Variants in CFAP54 observed in about 807,000 individuals in gnomAD.
CFAP54 encodes the protein cilia and flagella associated protein 54.
A neutral mutation model predicts 370.4 loss-of-function variants in CFAP54; 290 were observed. That is an observed-to-expected ratio of 0.78 (90% confidence interval 0.71 to 0.86). CFAP54 has a LOEUF of 0.86. Among genes scored for constraint, CFAP54 ranks in the 40% least tolerant of loss-of-function variants. CFAP54 has a pLI of 0.00. For synonymous variants in CFAP54, 1,206 were observed against 1,236.5 expected (o/e 0.98, Z 0.52); for missense variants, 3,399 against 3,528.7 (o/e 0.96, Z 0.93).
Position 96,656,138 on chromosome 12 carries a change from G to A in CFAP54, c.5101-1744G>A, listed in dbSNP as rs76762439. Among the ~76,000 whole-genome samples the A allele has an allele frequency of 4.8e-3, 724 of 152,122 alleles. 4 individuals are homozygous for A. The highest frequency in any genetic ancestry group is 0.016 in the African/African-American group (679 of 41,496). On this transcript the variant is annotated intron_variant, in intron 36 of 67. Transcript: ENST00000524981. ...AAAAGTTTTTAAAAAATCACACATG[G>A]CCCATACAAAATCTTCAAAACTTAA... is the stretch of plus-strand genomic sequence containing the variant.
intron 23 of CFAP54, among the ~76,000 whole-genome samples, chr12:96,590,317 T>C (rs1187811164): frequency 6.6e-6 from 1 of 152,166 alleles, no homozygotes; most frequent in Non-Finnish European, 1.5e-5. Flanking sequence ...AGAAGCCATA[T>C]AAAATTACTA....
At chr12:96,720,103 C>T (rs1435848135) in intron 49 of CFAP54, among the ~76,000 whole-genome samples, 4 of 152,210 alleles carry the variant, frequency 2.6e-5, no homozygotes, top group Non-Finnish European at 5.9e-5. Context: ...GGCTCAGTAT[C>T]CAGTAATCAG....
intron 38 of CFAP54, among the ~76,000 whole-genome samples, chr12:96,663,034 C>T (rs1957012287): frequency 6.6e-6 from 1 of 152,030 alleles, no homozygotes; most frequent in Admixed American, 6.6e-5. Context: ...CTACATCATC[C>T]CTTCTTCTTG....
intron 60 of CFAP54, among the ~76,000 whole-genome samples, chr12:96,773,329 A>C (rs1423325101): frequency 6.6e-6 from 1 of 152,196 alleles, no homozygotes; most frequent in South Asian, 2.1e-4. Context: ...TTCTGCCAGA[A>C]TCACACCAGC....
chr12:96,728,342 AT>A (rs1343786273), intron 50 of CFAP54, among the ~76,000 whole-genome samples: 3 of 152,216 alleles, frequency 2.0e-5, no homozygotes, highest in Admixed American at 1.3e-4. Context: ...GTGTTTTCAC[AT>A]AGTCCCATAT....
At chr12:96,502,146 G>C (rs903527945) in intron 2 of CFAP54, among the ~76,000 whole-genome samples, 2 of 152,176 alleles carry the variant, frequency 1.3e-5, no homozygotes, top group Non-Finnish European at 2.9e-5. Flanking sequence ...GATAAAGCAA[G>C]TTAAAGATGG....
intron 23 of CFAP54, among the ~76,000 whole-genome samples, chr12:96,591,660 C>T (rs1005320214): frequency 1.2e-4 from 19 of 152,030 alleles, no homozygotes; most frequent in African/African-American, 2.7e-4. Flanking sequence ...GAGGCCGAGA[C>T]GGGCGGATCA....
chr12:96,551,734 AG>A (rs1298219746), intron 15 of CFAP54, among the ~76,000 whole-genome samples: 1 of 152,166 alleles, frequency 6.6e-6, no homozygotes, highest in Non-Finnish European at 1.5e-5. Context: ...AATAACTCTT[AG>A]TAGTTAGGAA....
At chr12:96,519,146 T>C in intron 6 of CFAP54, 75 bp downstream of exon 6, 1 of 1,414,902 alleles carries the variant, frequency 7.1e-7, no homozygotes, top group Non-Finnish European at 9.4e-7. Flanking sequence ...TTGCCCAGGC[T>C]GGAGTGCAGT....
At chr12:96,491,440 G>A (rs914680939) in intron 1 of CFAP54, among the ~76,000 whole-genome samples, 3 of 152,268 alleles carry the variant, frequency 2.0e-5, no homozygotes, top group South Asian at 2.1e-4. Flanking sequence ...ATATACATTT[G>A]GGATTCATAT....
chr12:96,738,440 C>A (rs1012930233), intron 50 of CFAP54, among the ~76,000 whole-genome samples: 1 of 152,104 alleles, frequency 6.6e-6, no homozygotes, highest in South Asian at 2.1e-4. Context: ...CACACTTGTT[C>A]TAATGGCTCT....
In CFAP54 at chr12:96,621,607, G is replaced by A. The variant is rs1956489721; in HGVS notation, c.3657G>A (p.Arg1219=). Residue 1219 remains arginine (R), a synonymous_variant, in exon 27 of 68, where the codon AGG becomes AGA. Transcript: ENST00000524981. ...FYITKILRSW[R]EYDLAVMIIN... ...TAAATTAGATTCTTCGTTCATGGAG[G>A]GAATATGACCTGGCAGTAATGATTA... The A allele has an allele frequency of 1.4e-6, 2 of 1,479,058 alleles. No homozygotes were observed. The highest frequency in any genetic ancestry group is 1.8e-6 in the Non-Finnish European group (2 of 1,107,796). 91.6% of individuals were successfully genotyped at this position (1,479,058 alleles called of 1,614,324 possible). A position where few individuals can be genotyped will look rare whatever the true frequency, so the allele number is the denominator to read the frequency against.
At chr12:96,552,934 C>T (rs142712968) in intron 15 of CFAP54, among the ~76,000 whole-genome samples, 11 of 152,226 alleles carry the variant, frequency 7.2e-5, no homozygotes, top group Non-Finnish European at 1.3e-4. Context: ...ACTTCTTAAT[C>T]CATAGTGGCG....
chr12:96,851,749 A>G (rs1320252685), intron 66 of CFAP54, among the ~76,000 whole-genome samples: 7 of 152,082 alleles, frequency 4.6e-5, no homozygotes, highest in African/African-American at 1.7e-4. Context: ...TGTAGTTTTA[A>G]TAACAGACAA....
intron 67 of CFAP54, among the ~76,000 whole-genome samples, chr12:96,874,244 T>G (rs573987340): frequency 2.0e-5 from 3 of 152,332 alleles, no homozygotes; most frequent in Non-Finnish European, 4.4e-5. Context: ...TCCCGTGGAA[T>G]TGATCTCAAT....
chr12:96,674,062 G>A (rs1957176389), intron 39 of CFAP54, among the ~76,000 whole-genome samples: 1 of 152,224 alleles, frequency 6.6e-6, no homozygotes, highest in South Asian at 2.1e-4. Flanking sequence ...TTTGCATTCT[G>A]CCTGGGATCA....
chr12:96,563,681 A>G (rs1955837416), intron 17 of CFAP54, among the ~76,000 whole-genome samples: 1 of 152,208 alleles, frequency 6.6e-6, no homozygotes, highest in Admixed American at 6.5e-5. Context: ...TTACTATCAC[A>G]TGGTGGCTCA....
In CFAP54 at chr12:96,728,953, G is replaced by A. The variant is rs1957880106; in HGVS notation, c.6965+8388G>A. 1.3e-5 allele frequency among the ~76,000 whole-genome samples: 2 copies of A among 152,334 alleles called. 1 individual carries two copies. The highest frequency in any genetic ancestry group is 4.1e-4 in the South Asian group (2 of 4,824). On this transcript the variant is annotated intron_variant, in intron 50 of 67. Coordinates refer to ENST00000524981, the MANE Select transcript of CFAP54 (RefSeq NM_001306084.2). Reference sequence around the variant, plus strand: ...TTGCTAGAGGTCCACTCCAGACCCTGTTTGCCTGGGTATCAGCAGCGGTGT... The same window carrying A: ...TTGCTAGAGGTCCACTCCAGACCCTATTTGCCTGGGTATCAGCAGCGGTGT...
intron 60 of CFAP54, among the ~76,000 whole-genome samples, chr12:96,775,303 C>T (rs557011878): frequency 6.6e-6 from 1 of 152,018 alleles, no homozygotes; most frequent in Non-Finnish European, 1.5e-5. Flanking sequence ...GTGGTGGGCA[C>T]CTGTAATCCC....
Sources: allele counts gnomAD v4.1 joint callset (sites outside exome capture counted in the v4.1 genomes callset), GRCh38; gene constraint gnomAD v4.1.1; transcripts MANE v1.5; gene names NCBI Gene and HGNC (gene_info 2026-07-23, HGNC 2026-07-21).